CELSR3: variants seen among roughly 807,000 people sequenced by gnomAD.
CELSR3 encodes the protein cadherin EGF LAG seven-pass G-type receptor 3.
CELSR3 carries 73 observed loss-of-function variants against 270.0 expected under a neutral mutation model. That is an observed-to-expected ratio of 0.27 (90% confidence interval 0.22 to 0.33). The LOEUF (loss-of-function observed/expected upper bound fraction) is 0.33, where lower values mean the gene tolerates loss of function less well. CELSR3 is among the 10% of genes least tolerant of loss of function. CELSR3 has a pLI of 1.00. For missense variants in CELSR3, 3,614 were observed against 4,533.8 expected (o/e 0.80, Z 5.83); for synonymous variants, 1,780 against 1,905.4 (o/e 0.93, Z 1.71).
At position 48,662,412 on chromosome 3, in the gene CELSR3, C is replaced by A; in HGVS notation, c.223G>T (p.Gly75Trp). 1 of 1,612,872 alleles carries A rather than the reference C, an allele frequency of 6.2e-7. No individual in the cohort carries two copies. The highest frequency in any genetic ancestry group is 2.2e-5 in the East Asian group (1 of 44,880). ...PESSGVREDG[G>W]PGLGVREPIF... ...GGCTCCCTGACCCCCAGGCCAGGCC[C>A]CCCATCCTCCCGGACCCCGGAAGAC... is the stretch of plus-strand genomic sequence containing the variant. Residue 75 changes from glycine to tryptophan, a missense_variant, in exon 1 of 35, where the codon GGG becomes TGG. Around this residue, in one of 7 missense-constraint regions of CELSR3, gnomAD observed 470 missense variants for 469.7 expected, o/e 1.00. Coordinates refer to ENST00000164024, the MANE Select transcript of CELSR3 (RefSeq NM_001407.3). The surrounding 1 kb of genome is among the most constrained non-coding windows in gnomAD (Gnocchi z 7.1).
rs1255119007 is a variant in CELSR3, at chr3:48,639,896, G to A, written c.9689C>T (p.Ser3230Leu). ...GGGGCCATGGCTGGGGCCACTGACC[G>A]AGTCCTCCCTAGCTCTGAGCAGCTG... The part of the protein sequence containing the change: ...LPQLLRARED[S>L]VSGPSHGPST... Residue 3230 changes from serine (S) to leucine (L), a missense_variant, in exon 34 of 35, where the codon TCG becomes TTG. By Grantham distance (145) the Ser-to-Leu change is moderately radical. Coordinates refer to ENST00000164024, the MANE Select transcript of CELSR3 (RefSeq NM_001407.3). This position sits in a 1 kb window ranked among gnomAD's most constrained non-coding sequence, Gnocchi z 4.1. The A allele has an allele frequency of 6.2e-6, 10 of 1,613,214 alleles. No individual in the cohort carries two copies. Among genetic ancestry groups the A allele is most frequent in the South Asian group, 3.3e-5 (3 of 91,088 alleles).
rs111671419 is a variant in CELSR3, at chr3:48,651,058, C to A, written c.6204G>T (p.Pro2068=). The A allele has an allele frequency of 8.3e-6, 13 of 1,570,376 alleles. No homozygotes were observed. Among genetic ancestry groups the A allele is most frequent in the Middle Eastern group, 1.7e-4 (1 of 5,822 alleles). The part of the protein sequence containing the change: ...QCHCKEFHYR[P]RGSDSCLPCD... The stretch of plus-strand genomic sequence containing the variant: ...ATGGGAGGCAAGAGTCACTGCCCCG[C>A]GGTCGGTAGTGGAACTCCTGTTTGA... Residue 2068 remains proline, a synonymous_variant, in exon 15 of 35, where the codon CCG becomes CCT. Transcript: ENST00000164024. This position sits in a 1 kb window ranked among gnomAD's most constrained non-coding sequence, Gnocchi z 7.4.
In CELSR3 at chr3:48,645,122, G is replaced by A. The variant is rs751920709; in HGVS notation, c.7885C>T (p.Arg2629Cys). Residue 2629 changes from arginine (R) to cysteine (C), a missense_variant, in exon 25 of 35, where the codon CGC (arginine) becomes TGC (cysteine). Physicochemically the swap from Arg to Cys is radical, Grantham distance 180. Transcript: ENST00000164024. This position sits in a 1 kb window ranked among gnomAD's most constrained non-coding sequence, Gnocchi z 5.4. ...ACGTTGCGTGGCTCAACCTGCATGC[G>A]GTAGAGGTGCAGCCCCTGCACGAAG... ...WLFVQGLHLYRMQVEPRNVDR... is the reference protein window; with the variant it reads ...WLFVQGLHLYCMQVEPRNVDR... 1.9e-6 allele frequency: 3 copies of A among 1,605,980 alleles called. No homozygotes were observed. Among genetic ancestry groups the A allele is most frequent in the Non-Finnish European group, 1.7e-6 (2 of 1,174,382 alleles).
chr3:48,649,099 GA>G (rs762733348), intron 17 of CELSR3, 21 bp downstream of exon 17: 136 of 1,604,086 alleles, frequency 8.5e-5, no homozygotes, highest in Non-Finnish European at 1.0e-4. Context: ...TAGGTTGCAG[GA>G]AAAGGTCTGG....
In CELSR3 at chr3:48,642,255, C is replaced by G; in HGVS notation, c.8665+103G>C. ...CTGAGGCAGGGACCCTGGGGGAGAT[C>G]GTCCCACCCCAGTCAGCCACTGCTC... is the stretch of plus-strand genomic sequence containing the variant. On this transcript the variant is annotated intron_variant, in intron 31 of 34. Transcript: ENST00000164024. This position sits in a 1 kb window ranked among gnomAD's most constrained non-coding sequence, Gnocchi z 6.1. 1 of 1,261,856 alleles carries G rather than the reference C, an allele frequency of 7.9e-7. No individual in the cohort carries two copies. Among genetic ancestry groups the G allele is most frequent in the Non-Finnish European group, 1.1e-6 (1 of 921,288 alleles). The allele number at this position is 1,261,856 out of a possible 1,614,324, so 78.2% of individuals were successfully genotyped here. A position where few individuals can be genotyped will look rare whatever the true frequency, so the allele number is the denominator to read the frequency against.
rs1426193549 is a variant in CELSR3, at chr3:48,644,200, C to T, written c.8165+16G>A. The T allele has an allele frequency of 6.3e-6, 10 of 1,598,248 alleles. No homozygotes were observed. Among genetic ancestry groups the T allele is most frequent in the Non-Finnish European group, 6.8e-6 (8 of 1,167,924 alleles). On this transcript the variant is annotated intron_variant, in intron 27 of 34. Transcript: ENST00000164024. The surrounding 1 kb of genome is among the most constrained non-coding windows in gnomAD (Gnocchi z 4.8). ...GCCATCCTGAGAAGCCCCCTTCCTC[C>T]AGCCAGCCAACTCACAGTGCAGAGG...
Position 48,652,660 on chromosome 3 carries a change from C to T in CELSR3, c.5635-107G>A. 1.3e-6 allele frequency: 1 copy of T among 786,196 alleles called. No homozygotes were observed. 48.7% of individuals were successfully genotyped at this position (786,196 alleles called of 1,614,324 possible). A position where few individuals can be genotyped will look rare whatever the true frequency, so the allele number is the denominator to read the frequency against. ...TTCTAGCCCTTCTAGGCTGCCCCCT[C>T]CCTCCTGGACCCACAGTAGACCTTA... On this transcript the variant is annotated intron_variant, in intron 10 of 34. Transcript: ENST00000164024. This position sits in a 1 kb window ranked among gnomAD's most constrained non-coding sequence, Gnocchi z 4.3.
chr3:48,641,413 C>G lies in CELSR3; in HGVS notation c.8936G>C (p.Ser2979Thr). The G allele has an allele frequency of 6.2e-7, 1 of 1,612,574 alleles. No homozygotes were observed. The highest frequency in any genetic ancestry group is 8.5e-7 in the Non-Finnish European group (1 of 1,179,748). ...CTGGTTGTTGTTAGCTGCATCCTTG[C>G]TGGTGTCCAGCCCCAGGCGCCTTTC... Reference protein sequence around the residue: ...GSERRLGLDTSKDAANNNQPD... With the variant: ...GSERRLGLDTTKDAANNNQPD... Residue 2979 changes from serine (S) to threonine (T), a missense_variant, in exon 33 of 35, where the codon AGC (serine) becomes ACC (threonine). Transcript: ENST00000164024. This position sits in a 1 kb window ranked among gnomAD's most constrained non-coding sequence, Gnocchi z 4.8.
At position 48,651,327 on chromosome 3, in the gene CELSR3, G is replaced by C. The variant is rs1362064693; in HGVS notation, c.6186+32C>G. The C allele has an allele frequency of 6.2e-7, 1 of 1,612,022 alleles. No individual in the cohort carries two copies. The highest frequency in any genetic ancestry group is 1.7e-5 in the Admixed American group (1 of 59,966). On this transcript the variant is annotated intron_variant, in intron 14 of 34. Coordinates refer to ENST00000164024, the MANE Select transcript of CELSR3 (RefSeq NM_001407.3). This position sits in a 1 kb window ranked among gnomAD's most constrained non-coding sequence, Gnocchi z 7.4. Reference sequence around the variant, plus strand: ...GACAGGAATTGCAGATTGCGTCCAAGGAAGGGTTAAAAGGTCAGGGGCCAG... The same window carrying C: ...GACAGGAATTGCAGATTGCGTCCAACGAAGGGTTAAAAGGTCAGGGGCCAG...
Position 48,657,444 on chromosome 3 carries a change from C to T in CELSR3, c.3749-96G>A. ...TGGGGCCAGCGATAGCCTAGGCCCC[C>T]AGAACCTCTAAGTCAGCAGGCTGAC... On this transcript the variant is annotated intron_variant, in intron 1 of 34. Coordinates refer to ENST00000164024, the MANE Select transcript of CELSR3 (RefSeq NM_001407.3). The surrounding 1 kb of genome is among the most constrained non-coding windows in gnomAD (Gnocchi z 5.4). 1 of 1,320,272 alleles carries T rather than the reference C, an allele frequency of 7.6e-7. No homozygotes were observed. Among genetic ancestry groups the T allele is most frequent in the East Asian group, 2.5e-5 (1 of 39,534 alleles). The allele number at this position is 1,320,272 out of a possible 1,614,324, so 81.8% of individuals were successfully genotyped here.
rs1342058624 is a variant in CELSR3 at position 48,656,709 on chromosome 3, G to A, written c.4388C>T (p.Pro1463Leu). The change falls in exon 2 of 35, where the codon CCG becomes CTG. Residue 1463 changes from proline to leucine, a missense_variant. Physicochemically the swap from Pro to Leu is moderately conservative, Grantham distance 98 (BLOSUM62 -3). Around this residue, in one of 7 missense-constraint regions of CELSR3, gnomAD observed 1,331 missense variants for 1,933.7 expected, o/e 0.69. Transcript: ENST00000164024. Reference sequence around the variant, plus strand: ...GGCGCCCTGCTCACCGGTGAAGCGCGGGCGGCAGACGCACGTGTAGCCTCC... The same window carrying A: ...GGCGCCCTGCTCACCGGTGAAGCGCAGGCGGCAGACGCACGTGTAGCCTCC... ...REGGYTCVCR[P>L]RFTGEDCELD... 6.7e-7 allele frequency: 1 copy of A among 1,491,432 alleles called. No homozygotes were observed. Among genetic ancestry groups the A allele is most frequent in the South Asian group, 1.4e-5 (1 of 73,820 alleles). The allele number at this position is 1,491,432 out of a possible 1,614,324, so 92.4% of individuals were successfully genotyped here.
rs370985600 is a variant in CELSR3 at position 48,660,067 on chromosome 3, C to T, written c.2568G>A (p.Pro856=). 2.1e-5 allele frequency: 34 copies of T among 1,614,042 alleles called. No individual in the cohort carries two copies. Among genetic ancestry groups the T allele is most frequent in the East Asian group, 8.9e-5 (4 of 44,894 alleles). Residue 856 remains proline (P), a synonymous_variant, in exon 1 of 35, where the codon CCG becomes CCA. Transcript: ENST00000164024. This position sits in a 1 kb window ranked among gnomAD's most constrained non-coding sequence, Gnocchi z 5.5. Reference sequence around the variant, plus strand: ...CTGAGTAGTGGGCACTTTGAAAGACCGGCCGATGAGTGTTGGCATCTGTGA... The same window carrying T: ...CTGAGTAGTGGGCACTTTGAAAGACTGGCCGATGAGTGTTGGCATCTGTGA... ...INITDANTHR[P]VFQSAHYSVS...
chr3:48,645,733 C>T lies in CELSR3; in HGVS notation c.7590+9G>A. 1.2e-6 allele frequency: 2 copies of T among 1,606,912 alleles called. No individual in the cohort carries two copies. The highest frequency in any genetic ancestry group is 1.7e-4 in the Middle Eastern group (1 of 6,046). On this transcript the variant is annotated intron_variant, in intron 23 of 34. Transcript: ENST00000164024. The surrounding 1 kb of genome is among the most constrained non-coding windows in gnomAD (Gnocchi z 5.4). ...CCCCACTTCCTTGGGACACTGAACA[C>T]AGCCCCACCTCACGGGGAGAGGCAT...
Position 48,661,853 on chromosome 3 carries a change from G to A in CELSR3, c.782C>T (p.Ala261Val), listed in dbSNP as rs1386710752. ...GGGAGCTGTCCGAGACTCGCGGGGT[G>A]CTGAACCTGATGCAGGAGCTGTCCT... ...TARTAPASGS[A>V]PRESRTAPEP... Residue 261 changes from alanine (A) to valine (V), a missense_variant, in exon 1 of 35, where the codon GCA becomes GTA. This residue lies in a region of CELSR3 where 470 missense variants were observed against 469.7 expected (regional missense o/e 1.00). Transcript: ENST00000164024. 1 of 1,610,696 alleles carries A rather than the reference G, an allele frequency of 6.2e-7. No homozygotes were observed. The highest frequency in any genetic ancestry group is 1.3e-5 in the African/African-American group (1 of 75,058).
chr3:48,661,141 G>C lies in CELSR3; in HGVS notation c.1494C>G (p.Ser498Arg), dbSNP rs1306969125. 1 of 1,606,196 alleles carries C rather than the reference G, an allele frequency of 6.2e-7. No homozygotes were observed. Among genetic ancestry groups the C allele is most frequent in the East Asian group, 2.2e-5 (1 of 44,500 alleles). Residue 498 changes from serine to arginine, a missense_variant, in exon 1 of 35, where the codon AGC becomes AGG. Physicochemically the swap from Ser to Arg is moderately radical, Grantham distance 110. Around this residue, in one of 7 missense-constraint regions of CELSR3, gnomAD observed 354 missense variants for 500.9 expected, o/e 0.71. Transcript: ENST00000164024. ...CCATGTGCTCGCGGTCCACTCGGCC[G>C]CTGGTGCTGATGAGGCCGGAGCGTG... ...IDPRSGLIST[S>R]GRVDREHMES...
Position 48,645,127 on chromosome 3 carries a change from A to G in CELSR3, c.7880T>C (p.Leu2627Pro). 6.2e-7 allele frequency: 1 copy of G among 1,604,678 alleles called. No individual in the cohort carries two copies. The highest frequency in any genetic ancestry group is 8.5e-7 in the Non-Finnish European group (1 of 1,173,232). ...GCGTGGCTCAACCTGCATGCGGTAG[A>G]GGTGCAGCCCCTGCACGAAGAGCCA... ...FAWLFVQGLH[L>P]YRMQVEPRNV... The change falls in exon 25 of 35, where the codon CTC becomes CCC. Residue 2627 changes from leucine (L) to proline (P), a missense_variant. Physicochemically the swap from Leu to Pro is moderately conservative, Grantham distance 98. Around this residue, in one of 7 missense-constraint regions of CELSR3, gnomAD observed 1,240 missense variants for 1,351.7 expected, o/e 0.92. Transcript: ENST00000164024. This position sits in a 1 kb window ranked among gnomAD's most constrained non-coding sequence, Gnocchi z 5.4.
chr3:48,644,926 C>A lies in CELSR3; in HGVS notation c.7973-98G>T. The A allele has an allele frequency of 6.6e-7, 1 of 1,520,166 alleles. No homozygotes were observed. 94.2% of individuals were successfully genotyped at this position (1,520,166 alleles called of 1,614,324 possible). A position where few individuals can be genotyped will look rare whatever the true frequency, so the allele number is the denominator to read the frequency against. On this transcript the variant is annotated intron_variant, in intron 25 of 34. Transcript: ENST00000164024. The surrounding 1 kb of genome is among the most constrained non-coding windows in gnomAD (Gnocchi z 4.8). ...CATGGGTGAGGGCAGAGCAGCAACC[C>A]CATGAATAGATGGCTTGGGGTTTGA...
Position 48,650,707 on chromosome 3 carries a change from T to C in CELSR3, c.6371-126A>G. 1 of 1,027,368 alleles carries C rather than the reference T, an allele frequency of 9.7e-7. No individual in the cohort carries two copies. The highest frequency in any genetic ancestry group is 1.4e-6 in the Non-Finnish European group (1 of 706,926). The allele number at this position is 1,027,368 out of a possible 1,614,324, so 63.6% of individuals were successfully genotyped here. On this transcript the variant is annotated intron_variant, in intron 15 of 34. Coordinates refer to ENST00000164024, the MANE Select transcript of CELSR3 (RefSeq NM_001407.3). This position sits in a 1 kb window ranked among gnomAD's most constrained non-coding sequence, Gnocchi z 5.1. ...CCACTCCTGCTGGCTTCTCAGGAGCTGACCTGTCAGATTCTGTGACAGGTC... is the reference window on the plus strand; with the variant it reads ...CCACTCCTGCTGGCTTCTCAGGAGCCGACCTGTCAGATTCTGTGACAGGTC...
Position 48,656,429 on chromosome 3 carries a change from A to G in CELSR3, c.4400-64T>C, listed in dbSNP as rs887719223. The G allele has an allele frequency of 1.3e-5, 18 of 1,350,390 alleles. No homozygotes were observed. In the Middle Eastern group the frequency reaches 8.1e-4, roughly 61 times the overall value. The allele number at this position is 1,350,390 out of a possible 1,614,324, so 83.7% of individuals were successfully genotyped here. Reference sequence around the variant, plus strand: ...GCCCGCCCCTGCTCCGGCCCCTTCAAAGACCGCGCGCCCAGAGGCCGGGTG... The same window carrying G: ...GCCCGCCCCTGCTCCGGCCCCTTCAGAGACCGCGCGCCCAGAGGCCGGGTG... On this transcript the variant is annotated intron_variant, in intron 2 of 34. Transcript: ENST00000164024.
Sources: allele counts gnomAD v4.1 joint callset, GRCh38; gene constraint gnomAD v4.1.1; regional missense constraint gnomAD v4.1.1; non-coding constraint Gnocchi (gnomAD v3.1); transcripts MANE v1.5; gene names NCBI Gene and HGNC (gene_info 2026-07-23, HGNC 2026-07-21).